TMEM72: variants seen among roughly 807,000 people sequenced by gnomAD.
The protein encoded by TMEM72 is transmembrane protein 72.
Under a neutral mutation model 16.3 loss-of-function variants are expected in TMEM72, and 9 were observed. The ratio of observed to expected loss-of-function variants is 0.55; its 90% CI spans 0.33 to 0.96. The LOEUF (loss-of-function observed/expected upper bound fraction) is 0.96, where lower values mean the gene tolerates loss of function less well. TMEM72 is among the 40% of genes least tolerant of loss of function. The pLI is 0.03. For missense variants in TMEM72, 324 were observed against 337.8 expected (o/e 0.96, Z 0.32); for synonymous variants, 160 against 146.5 (o/e 1.09, Z -0.66).
intron 1 of TMEM72, among the ~76,000 whole-genome samples, chr10:44,922,104 C>T (rs540602361): frequency 7.9e-5 from 12 of 152,258 alleles, no homozygotes; most frequent in South Asian, 6.2e-4. Flanking sequence ...CCTAGTTATC[C>T]GGGTGCCATA....
At chr10:44,914,668 C>G in intron 1 of TMEM72, among the ~76,000 whole-genome samples, 1 of 152,192 alleles carries the variant, frequency 6.6e-6, no homozygotes, top group East Asian at 1.9e-4. Context: ...GTGTGAGACT[C>G]AGGCCCCAGA....
In TMEM72 at chr10:44,934,555, A is replaced by G; in HGVS notation, c.350-101A>G. The G allele has an allele frequency of 4.1e-6, 5 of 1,223,926 alleles. No individual in the cohort carries two copies. In the South Asian group the frequency reaches 7.9e-5, roughly 19 times the overall value. The allele number at this position is 1,223,926 out of a possible 1,614,324, so 75.8% of individuals were successfully genotyped here. On this transcript the variant is annotated intron_variant, in intron 4 of 4. Coordinates refer to ENST00000389583, the MANE Select transcript of TMEM72 (RefSeq NM_001123376.3). ...GCCACAGGGGCCTGTGAATGGCCAC[A>G]CAGCGCCGGGTTGCAGGAGCTCTGC... is the stretch of plus-strand genomic sequence containing the variant.
At chr10:44,928,651 C>T (rs2132724913) in intron 2 of TMEM72, among the ~76,000 whole-genome samples, 1 of 103,404 alleles carries the variant, frequency 9.7e-6, no homozygotes, top group African/African-American at 3.9e-5. Context: ...TCCAACTACC[C>T]ATACACCCAA....
At chr10:44,921,504 C>T (rs568664410) in intron 1 of TMEM72, among the ~76,000 whole-genome samples, 20 of 152,184 alleles carry the variant, frequency 1.3e-4, no homozygotes, top group Non-Finnish European at 2.2e-4. Flanking sequence ...TCTGATTCTG[C>T]GGGTAGCAGG....
At chr10:44,930,389 G>A (rs999148019) in intron 2 of TMEM72, among the ~76,000 whole-genome samples, 5 of 152,208 alleles carry the variant, frequency 3.3e-5, no homozygotes, top group African/African-American at 9.7e-5. Flanking sequence ...TGGAGCCTGC[G>A]TGCTAGGTTC....
At chr10:44,919,600 A>G (rs1402276258) in intron 1 of TMEM72, among the ~76,000 whole-genome samples, 1 of 152,250 alleles carries the variant, frequency 6.6e-6, no homozygotes, top group African/African-American at 2.4e-5. Flanking sequence ...AAACTACACT[A>G]GAAACTAGAA....
At chr10:44,922,535 T>C (rs1840118458) in intron 1 of TMEM72, among the ~76,000 whole-genome samples, 1 of 152,228 alleles carries the variant, frequency 6.6e-6, no homozygotes, top group Non-Finnish European at 1.5e-5. Flanking sequence ...GGCTAGGAGC[T>C]TCCACAGCCA....
intron 1 of TMEM72, among the ~76,000 whole-genome samples, chr10:44,912,506 C>A (rs1174896341): frequency 6.6e-6 from 1 of 152,222 alleles, no homozygotes; most frequent in Non-Finnish European, 1.5e-5. Flanking sequence ...ACGGGTCTTA[C>A]CAAATGGGAA....
At chr10:44,920,531 G>T (rs971335194) in intron 1 of TMEM72, among the ~76,000 whole-genome samples, 2 of 152,210 alleles carry the variant, frequency 1.3e-5, no homozygotes, top group African/African-American at 4.8e-5. Context: ...TCCCAACTGG[G>T]CTTTGAGAAG....
At position 44,911,454 on chromosome 10, in the gene TMEM72, C is replaced by T; in HGVS notation, c.-59C>T. 2 of 1,530,054 alleles carry T rather than the reference C, an allele frequency of 1.3e-6. No individual in the cohort carries two copies. Among genetic ancestry groups the T allele is most frequent in the Non-Finnish European group, 1.8e-6 (2 of 1,132,470 alleles). 94.8% of individuals were successfully genotyped at this position (1,530,054 alleles called of 1,614,324 possible). A position where few individuals can be genotyped will look rare whatever the true frequency, so the allele number is the denominator to read the frequency against. ...CCTACACAAGGGTGTTCGGGAGCAT[C>T]TCAGGGCCGAAGACTTTGCTGCCTG... On this transcript the variant is annotated 5_prime_UTR_variant, in exon 1 of 5. Coordinates refer to ENST00000389583, the MANE Select transcript of TMEM72 (RefSeq NM_001123376.3).
At chr10:44,933,818 G>C (rs770908686) in intron 4 of TMEM72, 42 bp downstream of exon 4, 1 of 1,569,368 alleles carries the variant, frequency 6.4e-7, no homozygotes, top group East Asian at 2.3e-5. Flanking sequence ...CAGCACAGGT[G>C]GACTCTGAGC....
At chr10:44,922,533 G>A (rs1156453893) in intron 1 of TMEM72, among the ~76,000 whole-genome samples, 2 of 152,214 alleles carry the variant, frequency 1.3e-5, no homozygotes, top group Admixed American at 1.3e-4. Context: ...CAGGCTAGGA[G>A]CTTCCACAGC....
At chr10:44,927,893 C>T in intron 1 of TMEM72, 28 bp from the exon 2 acceptor site, 2 of 1,612,856 alleles carry the variant, frequency 1.2e-6, no homozygotes, top group Non-Finnish European at 1.7e-6. Flanking sequence ...GCACCAGGCC[C>T]ACTCTTCCTT....
chr10:44,932,644 T>C (rs577715484), intron 3 of TMEM72, among the ~76,000 whole-genome samples: 1 of 152,310 alleles, frequency 6.6e-6, no homozygotes, highest in African/African-American at 2.4e-5. Context: ...CACTGGTCCC[T>C]GGGTGGTCAG....
intron 1 of TMEM72, among the ~76,000 whole-genome samples, chr10:44,915,050 C>T (rs1215069754): frequency 3.9e-5 from 6 of 152,196 alleles, no homozygotes; most frequent in Admixed American, 2.0e-4. Context: ...CCCTGAGCCC[C>T]GCCTTGTAGT....
chr10:44,933,249 T>C (rs1467025977), intron 3 of TMEM72, among the ~76,000 whole-genome samples: 1 of 152,246 alleles, frequency 6.6e-6, no homozygotes, highest in Non-Finnish European at 1.5e-5. Flanking sequence ...AAGCCTCTTA[T>C]GCAGTGCACT....
chr10:44,931,520 G>T (rs1394287689), intron 2 of TMEM72, among the ~76,000 whole-genome samples: 1 of 152,224 alleles, frequency 6.6e-6, no homozygotes, highest in Non-Finnish European at 1.5e-5. Context: ...GGCAGGGCCT[G>T]AACCCAGGCA....
chr10:44,924,867 A>G (rs1840160361), intron 1 of TMEM72, among the ~76,000 whole-genome samples: 1 of 152,172 alleles, frequency 6.6e-6, no homozygotes, highest in Non-Finnish European at 1.5e-5. Flanking sequence ...CCTGCTGGCT[A>G]TGGTTGGAGG....
chr10:44,917,012 A>T (rs1232102483), intron 1 of TMEM72, among the ~76,000 whole-genome samples: 3 of 152,168 alleles, frequency 2.0e-5, no homozygotes, highest in Non-Finnish European at 4.4e-5. Context: ...TGCAGGATGC[A>T]GTCCAGTCCT....
Sources: gnomAD v4.1 joint callset for allele counts (sites outside exome capture counted in the v4.1 genomes callset) on GRCh38, gnomAD v4.1.1 for gene constraint, MANE v1.5 for transcripts, NCBI Gene and HGNC (gene_info 2026-07-23, HGNC 2026-07-21) for gene names.